The following KLF8 variants were observed in gnomAD, a reference collection of about 807,000 sequenced individuals.
KLF8 encodes KLF transcription factor 8.
Under a neutral mutation model 18.2 loss-of-function variants are expected in KLF8, and 10 were observed. The ratio of observed to expected loss-of-function variants is 0.55; its 90% CI spans 0.34 to 0.93. The LOEUF is 0.93. Ranked by LOEUF, KLF8 falls within the 40% of genes least tolerant of loss-of-function variation. The pLI, the probability that KLF8 is intolerant of heterozygous loss-of-function variation, is 0.02. For synonymous variants in KLF8, 109 were observed against 97.3 expected, an observed-to-expected ratio of 1.12 and a Z score of -0.71; for missense variants, 264 against 277.9, an observed-to-expected ratio of 0.95 and a Z score of 0.36.
chrX:56,067,084 G>A, the KLF8 span, among the ~76,000 whole-genome samples: 1 of 108,340 alleles, frequency 9.2e-6, no homozygotes, highest in East Asian at 3.0e-4. Context: ...TCTTTTTTCT[G>A]TTAAATTTCA....
At chrX:56,269,111 C>T in intron 3 of KLF8, 1 of 933,126 alleles carries the variant, frequency 1.1e-6, no homozygotes, top group Non-Finnish European at 1.3e-6. Context: ...CCTAGAGACA[C>T]TCTCATTTGA....
chrX:56,036,043 C>T, the KLF8 span, among the ~76,000 whole-genome samples: 1 of 111,881 alleles, frequency 8.9e-6, no homozygotes, highest in Non-Finnish European at 1.9e-5. Context: ...TTTGTTGTTA[C>T]TGAAGCTTCC....
chrX:56,046,818 T>C, the KLF8 span, among the ~76,000 whole-genome samples: 38 of 111,667 alleles, frequency 3.4e-4, no homozygotes, highest in African/African-American at 1.2e-3. Context: ...ATTTTTTCCT[T>C]TGTTTTGACT....
the KLF8 span, among the ~76,000 whole-genome samples, chrX:56,001,055 T>C: frequency 8.9e-6 from 1 of 111,936 alleles, no homozygotes; most frequent in Non-Finnish European, 1.9e-5. Context: ...AGCCATCTGA[T>C]ATATGGGCCT....
the KLF8 span, among the ~76,000 whole-genome samples, chrX:56,197,926 G>A: frequency 1.8e-5 from 2 of 111,843 alleles, no homozygotes; most frequent in Non-Finnish European, 1.9e-5. Flanking sequence ...ATGCAAGGCT[G>A]GTTCAATATA....
chrX:56,079,427 T>A, the KLF8 span, among the ~76,000 whole-genome samples: 3 of 111,855 alleles, frequency 2.7e-5, no homozygotes, highest in African/African-American at 9.8e-5. Flanking sequence ...AGCAGGTTGT[T>A]CAGTTCCCAT....
At chrX:56,180,584 C>T in the KLF8 span, among the ~76,000 whole-genome samples, 57 of 110,780 alleles carry the variant, frequency 5.1e-4, no homozygotes, top group African/African-American at 1.9e-3. Flanking sequence ...TTCCTGCTTT[C>T]TCTTGTGAGC....
the KLF8 span, among the ~76,000 whole-genome samples, chrX:56,061,986 CTTTTTTT>C: frequency 5.2e-5 from 3 of 57,151 alleles, 1 homozygote; most frequent in African/African-American, 2.7e-4. Context: ...GCAACCCCTG[CTTTTTTT>C]TTTTTTTTTT....
the KLF8 span, among the ~76,000 whole-genome samples, chrX:56,177,968 C>T: frequency 2.7e-5 from 3 of 111,615 alleles, no homozygotes; most frequent in African/African-American, 6.5e-5. Context: ...TATTAGGGTG[C>T]GAGTGACCCT....
the KLF8 span, among the ~76,000 whole-genome samples, chrX:56,199,535 C>A: frequency 9.0e-6 from 1 of 111,443 alleles, no homozygotes; most frequent in Non-Finnish European, 1.9e-5. Context: ...ATCCCAATAC[C>A]ATGTCACGCC....
the KLF8 span, among the ~76,000 whole-genome samples, chrX:56,091,971 C>A: frequency 1.3e-3 from 136 of 103,328 alleles, no homozygotes; most frequent in African/African-American, 5.0e-3. Flanking sequence ...TCCTCACCAA[C>A]ATCTATTGTT....
the KLF8 span, among the ~76,000 whole-genome samples, chrX:56,205,515 T>C: frequency 8.9e-6 from 1 of 112,116 alleles, no homozygotes; most frequent in Non-Finnish European, 1.9e-5. Context: ...GGATTGCACT[T>C]GGTCATGATG....
intron 3 of KLF8, chrX:56,266,031 T>G (rs190873682): frequency 1.2e-6 from 1 of 826,088 alleles, no homozygotes; most frequent in Non-Finnish European, 1.5e-6. Flanking sequence ...TTAAGCATTT[T>G]ATATTTAAAA....
At chrX:56,210,726 AT>A in the KLF8 span, among the ~76,000 whole-genome samples, 32 of 106,364 alleles carry the variant, frequency 3.0e-4, no homozygotes, top group African/African-American at 6.8e-4. Context: ...TCATTTTTAA[AT>A]TTTTTTTTTA....
the KLF8 span, among the ~76,000 whole-genome samples, chrX:56,121,323 T>A: frequency 9.1e-6 from 1 of 109,983 alleles, no homozygotes; most frequent in African/African-American, 3.3e-5. Flanking sequence ...AGAGAAGGGC[T>A]GGAAAGGAAG....
At chrX:55,994,706 A>C in the KLF8 span, among the ~76,000 whole-genome samples, 1 of 111,532 alleles carries the variant, frequency 9.0e-6, no homozygotes, top group African/African-American at 3.3e-5. Flanking sequence ...CATATTGTTT[A>C]ATTTCAATGT....
At chrX:56,266,792 G>A in intron 3 of KLF8, 2 of 752,960 alleles carry the variant, frequency 2.7e-6, no homozygotes, top group Non-Finnish European at 1.6e-6. Flanking sequence ...TCAGCTTACT[G>A]TAAAAGAGTA....
chrX:56,268,652 T>C, intron 3 of KLF8: 1 of 755,917 alleles, frequency 1.3e-6, no homozygotes, highest in Non-Finnish European at 1.6e-6. Flanking sequence ...ATGCAAAGTA[T>C]AGAGACAACT....
At chrX:55,948,648 G>A in the KLF8 span, among the ~76,000 whole-genome samples, 4 of 111,176 alleles carry the variant, frequency 3.6e-5, no homozygotes, top group African/African-American at 6.5e-5. Flanking sequence ...CTACCCCATA[G>A]CATTTAAGGC....
Sources: allele counts gnomAD v4.1 joint callset (sites outside exome capture counted in the v4.1 genomes callset), GRCh38; gene constraint gnomAD v4.1.1; transcripts MANE v1.5; gene names NCBI Gene and HGNC (gene_info 2026-07-23, HGNC 2026-07-21).